Variants in EVC2 observed in about 807,000 individuals in gnomAD.
EVC2 encodes limbin.
EVC2 carries 148 observed loss-of-function variants against 149.3 expected under a neutral mutation model. That is an observed-to-expected ratio of 0.99 (90% confidence interval 0.87 to 1.14). The LOEUF (loss-of-function observed/expected upper bound fraction) is 1.14, where lower values mean the gene tolerates loss of function less well. EVC2 is among the 50% of genes most tolerant of loss of function. The pLI is 0.00. For synonymous variants in EVC2, 776 were observed against 649.9 expected, an observed-to-expected ratio of 1.19 and a Z score of -2.95; for missense variants, 1,854 against 1,627.3, an observed-to-expected ratio of 1.14 and a Z score of -2.40.
downstream of EVC2, among the ~76,000 whole-genome samples, chr4:5,540,708 G>C (rs1444161663): frequency 6.6e-6 from 1 of 152,202 alleles, no homozygotes; most frequent in Non-Finnish European, 1.5e-5. Context: ...AAATTTTGGG[G>C]GAGGATGGAG....
chr4:5,650,682 C>T (rs1718074274), intron 9 of EVC2, among the ~76,000 whole-genome samples: 1 of 99,530 alleles, frequency 1.0e-5, no homozygotes, highest in Admixed American at 1.1e-4. Flanking sequence ...GCCATTTAAT[C>T]ATCACAAAAA....
chr4:5,584,176 AGTT>A (rs1712057478), intron 17 of EVC2, among the ~76,000 whole-genome samples: 1 of 152,218 alleles, frequency 6.6e-6, no homozygotes. Flanking sequence ...TCACCAAAAC[AGTT>A]ATTACCATAG....
At chr4:5,690,406 T>G (rs893270511) in intron 4 of EVC2, among the ~76,000 whole-genome samples, 10 of 89,256 alleles carry the variant, frequency 1.1e-4, no homozygotes, top group African/African-American at 2.1e-4. Context: ...TGGGTTGTTG[T>G]TTTTTTTTTT....
intron 7 of EVC2, among the ~76,000 whole-genome samples, chr4:5,676,925 C>T (rs372606924): frequency 5.3e-5 from 8 of 152,182 alleles, no homozygotes; most frequent in Middle Eastern, 3.4e-3. Context: ...TGCTGCCGCA[C>T]GCTCCATTAC....
Position 5,591,955 on chromosome 4 carries a change from A to G in EVC2, c.2830-7105T>C, listed in dbSNP as rs181386747. Among the ~76,000 whole-genome samples the G allele has an allele frequency of 4.2e-3, 640 of 152,316 alleles. 7 individuals carry two copies. The highest frequency in any genetic ancestry group is 0.01 in the Middle Eastern group (3 of 294). On this transcript the variant is annotated intron_variant, in intron 16 of 21. Coordinates refer to ENST00000344408, the MANE Select transcript of EVC2 (RefSeq NM_147127.5). ...GACAACATGTGGATTTCAAACAAAA[A>G]GTTTTTTCTATGCATTATAATGTCC...
At chr4:5,538,795 A>G (rs116522785), downstream of EVC2, among the ~76,000 whole-genome samples, 711 of 152,306 alleles carry the variant, frequency 4.7e-3, 6 homozygotes, top group African/African-American at 0.016. Context: ...AATCATTAAC[A>G]GAGTAGGAAT....
At chr4:5,557,562 C>T (rs1439365645), downstream of EVC2, among the ~76,000 whole-genome samples, 1 of 151,986 alleles carries the variant, frequency 6.6e-6, no homozygotes, top group African/African-American at 2.4e-5. Context: ...AGTGTAATAA[C>T]ACAAGAAAAG....
At position 5,562,940 on chromosome 4, in the gene EVC2, T is replaced by C. The variant is rs762957778; in HGVS notation, c.3835A>G (p.Lys1279Glu). Reference sequence around the variant, plus strand: ...ACGTGCAGTGAGATCTCTGGCTCCTTTGGATTTCTGAATATAAAGAGCTTC... The same window carrying C: ...ACGTGCAGTGAGATCTCTGGCTCCTCTGGATTTCTGAATATAAAGAGCTTC... ...GEKLFIFRNPKEPEISLHVPP... is the reference protein window; with the variant it reads ...GEKLFIFRNPEEPEISLHVPP... The change falls in exon 22 of 22, where the codon AAG becomes GAG. Residue 1279 changes from lysine to glutamate, a missense_variant. Physicochemically the swap from Lys to Glu is moderately conservative, Grantham distance 56. Coordinates refer to ENST00000344408, the MANE Select transcript of EVC2 (RefSeq NM_147127.5). This position sits in a 1 kb window ranked among gnomAD's most constrained non-coding sequence, Gnocchi z 4.3. 2 of 1,614,070 alleles carry C rather than the reference T, an allele frequency of 1.2e-6. No individual in the cohort carries two copies. Among genetic ancestry groups the C allele is most frequent in the African/African-American group, 1.3e-5 (1 of 74,988 alleles).
At chr4:5,683,853 T>G (rs114234347) in intron 6 of EVC2, among the ~76,000 whole-genome samples, 15,324 of 148,890 alleles carry the variant, frequency 0.1, 926 homozygotes, top group South Asian at 0.21. Context: ...CACACACAGC[T>G]GCCCAGGAAC....
At chr4:5,589,427 C>CATCTT (rs1560144193) in intron 16 of EVC2, among the ~76,000 whole-genome samples, 3 of 152,286 alleles carry the variant, frequency 2.0e-5, no homozygotes, top group African/African-American at 7.2e-5. Flanking sequence ...GCGCAGGTCT[C>CATCTT]AGCAGAATAC....
In EVC2 at chr4:5,671,783, T is replaced by C. The variant is rs189662688; in HGVS notation, c.871-6134A>G. Among the ~76,000 whole-genome samples, 570 of 152,356 alleles carry C rather than the reference T, an allele frequency of 3.7e-3. 4 individuals carry two copies. The highest frequency in any genetic ancestry group is 0.013 in the African/African-American group (538 of 41,572). On this transcript the variant is annotated intron_variant, in intron 7 of 21. Transcript: ENST00000344408. ...CCTCGGCCTCCCAAAGTGTTGGGAT[T>C]ACAGACGTCAGCCACTGCGCCTGGC... is the stretch of plus-strand genomic sequence containing the variant.
rs139717271 is a variant in EVC2, at chr4:5,622,783, C to G, written c.2255G>C (p.Arg752Pro). Reference protein sequence around the residue: ...SLFEKATDELRRLQNSAMTQE... With the variant: ...SLFEKATDELPRLQNSAMTQE... ...GGTCATGGCTGAGTTCTGCAGGCGC[C>G]GCAGCTCGTCGGTGGCCTTTTCAAA... is the stretch of plus-strand genomic sequence containing the variant. Residue 752 changes from arginine to proline, a missense_variant, in exon 14 of 22, where the codon CGG (arginine) becomes CCG (proline). By Grantham distance (103) the Arg-to-Pro change is moderately radical (BLOSUM62 -2). Transcript: ENST00000344408. This position sits in a 1 kb window ranked among gnomAD's most constrained non-coding sequence, Gnocchi z 5.8. The G allele has an allele frequency of 1.2e-6, 2 of 1,613,916 alleles. No individual in the cohort carries two copies. The highest frequency in any genetic ancestry group is 2.7e-5 in the African/African-American group (2 of 74,856).
chr4:5,597,145 G>C (rs1208745227), intron 16 of EVC2, among the ~76,000 whole-genome samples: 1 of 152,118 alleles, frequency 6.6e-6, no homozygotes, highest in Non-Finnish European at 1.5e-5. Context: ...GTAGAAGGAG[G>C]AACTGGTACC....
chr4:5,611,312 T>C (rs1714804083), intron 16 of EVC2, among the ~76,000 whole-genome samples: 2 of 152,008 alleles, frequency 1.3e-5, no homozygotes, highest in South Asian at 4.1e-4. Context: ...ATGTGATGAG[T>C]ATGGAGATTC....
chr4:5,596,984 C>G (rs1163777718), intron 16 of EVC2, among the ~76,000 whole-genome samples: 1 of 152,252 alleles, frequency 6.6e-6, no homozygotes, highest in South Asian at 2.1e-4. Context: ...ATAAATTCCT[C>G]AACACATTCA....
intron 16 of EVC2, among the ~76,000 whole-genome samples, chr4:5,609,776 G>A (rs1714679858): frequency 6.6e-6 from 1 of 152,202 alleles, no homozygotes; most frequent in African/African-American, 2.4e-5. Flanking sequence ...TTCTGATCAG[G>A]GCATGTGGTC....
Position 5,657,654 on chromosome 4 carries a change from G to T in EVC2, c.1145+5453C>A, listed in dbSNP as rs1056859663. ...AGGCACTGTTGGAGGCACTGGGGAT[G>T]AATCAGCAAGCAAGACAGAAGGTCC... On this transcript the variant is annotated intron_variant, in intron 9 of 21. Coordinates refer to ENST00000344408, the MANE Select transcript of EVC2 (RefSeq NM_147127.5). The surrounding 1 kb of genome is among the most constrained non-coding windows in gnomAD (Gnocchi z 4.7). Among the ~76,000 whole-genome samples, 6 of 150,732 alleles carry T rather than the reference G, an allele frequency of 4.0e-5. No individual in the cohort carries two copies. The highest frequency in any genetic ancestry group is 8.8e-5 in the Non-Finnish European group (6 of 67,934).
At chr4:5,602,315 G>T (rs927307598) in intron 16 of EVC2, among the ~76,000 whole-genome samples, 2 of 112,888 alleles carry the variant, frequency 1.8e-5, no homozygotes, top group Admixed American at 8.5e-5. Context: ...AAAAAAAAAA[G>T]TAAAAAGAAG....
At chr4:5,705,589 A>G (rs1322512170) in intron 1 of EVC2, among the ~76,000 whole-genome samples, 3 of 152,054 alleles carry the variant, frequency 2.0e-5, no homozygotes, top group African/African-American at 7.3e-5. Context: ...TTTCTAAAAT[A>G]AAAAAAGTGA....
Sources: allele counts gnomAD v4.1 joint callset (sites outside exome capture counted in the v4.1 genomes callset), GRCh38; gene constraint gnomAD v4.1.1; non-coding constraint Gnocchi (gnomAD v3.1); transcripts MANE v1.5; gene names NCBI Gene and HGNC (gene_info 2026-07-23, HGNC 2026-07-21).